Variants in CDKAL1 observed in about 807,000 individuals in gnomAD.
CDKAL1 encodes threonylcarbamoyladenosine tRNA methylthiotransferase.
A neutral mutation model predicts 68.2 loss-of-function variants in CDKAL1; 32 were observed. The observed-to-expected ratio is 0.47, with a 90% CI of 0.35 to 0.63. CDKAL1 has a LOEUF of 0.63. CDKAL1 is among the 30% of genes least tolerant of loss of function. The pLI is 0.00. For missense variants in CDKAL1, 606 were observed against 696.7 expected (o/e 0.87, Z 1.47); for synonymous variants, 234 against 244.3 (o/e 0.96, Z 0.39).
intron 5 of CDKAL1, among the ~76,000 whole-genome samples, chr6:20,684,721 T>A (rs76547593): frequency 3.9e-5 from 6 of 152,072 alleles, no homozygotes; most frequent in African/African-American, 1.5e-4. Context: ...TGTAAGAGGT[T>A]CGTAGTGGTA....
At chr6:20,612,021 G>C (rs1332482773) in intron 4 of CDKAL1, among the ~76,000 whole-genome samples, 2 of 152,060 alleles carry the variant, frequency 1.3e-5, no homozygotes, top group Non-Finnish European at 2.9e-5. Flanking sequence ...TCTTTGCCTG[G>C]TTTATTTCAC....
intron 10 of CDKAL1, among the ~76,000 whole-genome samples, chr6:20,992,307 G>A (rs1766872369): frequency 6.6e-6 from 1 of 151,574 alleles, no homozygotes; most frequent in Non-Finnish European, 1.5e-5. Flanking sequence ...CTGACCTCAA[G>A]TGATGTGCCT....
chr6:20,579,757 C>T (rs1765066322), intron 4 of CDKAL1, among the ~76,000 whole-genome samples: 2 of 152,162 alleles, frequency 1.3e-5, no homozygotes, highest in South Asian at 2.1e-4. Flanking sequence ...GCTCCTCATT[C>T]GTCCTTGATC....
intron 9 of CDKAL1, among the ~76,000 whole-genome samples, chr6:20,929,183 A>G (rs1763315613): frequency 2.0e-5 from 3 of 152,200 alleles, no homozygotes; most frequent in Non-Finnish European, 4.4e-5. Context: ...TCCCCACTCG[A>G]AGGTCCAAGC....
At chr6:20,608,094 A>G (rs916899525) in intron 4 of CDKAL1, among the ~76,000 whole-genome samples, 3 of 152,218 alleles carry the variant, frequency 2.0e-5, no homozygotes, top group Non-Finnish European at 4.4e-5. Context: ...AGTAAACTCT[A>G]AAGTTATCAC....
At position 20,583,621 on chromosome 6, in the gene CDKAL1, A is replaced by AT. The variant is rs879765350; in HGVS notation, c.286+34927dup. On this transcript the variant is annotated intron_variant, in intron 4 of 15. Transcript: ENST00000274695. Reference sequence around the variant, plus strand: ...AACACTTGAATGCTGTGAGAGAACTATTTTTTTTTTTAATGGATGGCAGGT... The same window carrying AT: ...AACACTTGAATGCTGTGAGAGAACTATTTTTTTTTTTTAATGGATGGCAGGT... Among the ~76,000 whole-genome samples, 580 of 147,292 alleles carry AT rather than the reference A, an allele frequency of 3.9e-3. 7 individuals are homozygous for AT. Among genetic ancestry groups the AT allele is most frequent in the East Asian group, 9.8e-3 (50 of 5,084 alleles).
At chr6:20,937,823 T>C (rs1763791914) in intron 9 of CDKAL1, among the ~76,000 whole-genome samples, 1 of 151,566 alleles carries the variant, frequency 6.6e-6, no homozygotes, top group Admixed American at 6.6e-5. Context: ...TTTTATTACA[T>C]AGTTAAGGTG....
intron 13 of CDKAL1, among the ~76,000 whole-genome samples, chr6:21,164,286 A>G (rs1777048647): frequency 6.6e-6 from 1 of 152,012 alleles, no homozygotes; most frequent in African/African-American, 2.4e-5. Context: ...CCTTATAAAC[A>G]AGCTGGGTTT....
chr6:20,789,613 G>A (rs528473214), intron 8 of CDKAL1, among the ~76,000 whole-genome samples: 1 of 152,082 alleles, frequency 6.6e-6, no homozygotes, highest in Admixed American at 6.5e-5. Context: ...GGATTCTATT[G>A]CCCTTTCTAA....
chr6:20,829,513 T>C (rs1354280885), intron 8 of CDKAL1, among the ~76,000 whole-genome samples: 2 of 152,202 alleles, frequency 1.3e-5, no homozygotes, highest in Non-Finnish European at 2.9e-5. Flanking sequence ...GAAAACTTTC[T>C]TGGGTAGATG....
At chr6:20,713,381 T>C (rs1464188419) in intron 5 of CDKAL1, among the ~76,000 whole-genome samples, 1 of 152,212 alleles carries the variant, frequency 6.6e-6, no homozygotes, top group Non-Finnish European at 1.5e-5. Flanking sequence ...CGTATCTTAA[T>C]TATTTAAAAA....
At chr6:21,162,471 C>T (rs891891847) in intron 13 of CDKAL1, among the ~76,000 whole-genome samples, 1 of 152,202 alleles carries the variant, frequency 6.6e-6, no homozygotes, top group Non-Finnish European at 1.5e-5. Flanking sequence ...CATGGTTTTG[C>T]CCAGAACCAG....
At chr6:20,981,105 G>A (rs1766119896) in intron 10 of CDKAL1, among the ~76,000 whole-genome samples, 1 of 152,172 alleles carries the variant, frequency 6.6e-6, no homozygotes, top group Non-Finnish European at 1.5e-5. Flanking sequence ...GGGTAACTGA[G>A]CAGGAGGAGG....
chr6:20,876,002 C>T (rs992989200), intron 9 of CDKAL1, among the ~76,000 whole-genome samples: 5 of 151,948 alleles, frequency 3.3e-5, no homozygotes, highest in South Asian at 2.1e-4. Flanking sequence ...AAGCACAGAC[C>T]GAATTGAAAA....
At chr6:20,733,824 T>G (rs763945195) in intron 5 of CDKAL1, among the ~76,000 whole-genome samples, 1 of 152,156 alleles carries the variant, frequency 6.6e-6, no homozygotes, top group Non-Finnish European at 1.5e-5. Flanking sequence ...TTTGTCATCT[T>G]TAAGTATTTT....
intron 15 of CDKAL1, among the ~76,000 whole-genome samples, chr6:21,214,912 T>TGAA (rs1779289525): frequency 6.6e-6 from 1 of 151,926 alleles, no homozygotes; most frequent in Non-Finnish European, 1.5e-5. Context: ...AATGAATGAA[T>TGAA]TTGTTCCGGA....
intron 9 of CDKAL1, among the ~76,000 whole-genome samples, chr6:20,894,977 A>G (rs1384301830): frequency 6.6e-6 from 1 of 152,142 alleles, no homozygotes; most frequent in Non-Finnish European, 1.5e-5. Flanking sequence ...TGTTACAGAT[A>G]AAGTTGAAGT....
chr6:20,971,313 T>C (rs906684630), intron 10 of CDKAL1, among the ~76,000 whole-genome samples: 3 of 152,272 alleles, frequency 2.0e-5, no homozygotes, highest in Non-Finnish European at 4.4e-5. Context: ...TGATAGATGA[T>C]GTCCCCTTCA....
intron 8 of CDKAL1, among the ~76,000 whole-genome samples, chr6:20,808,504 G>A (rs541387533): frequency 3.3e-5 from 5 of 152,212 alleles, no homozygotes; most frequent in Non-Finnish European, 5.9e-5. Flanking sequence ...GAGAGATGAC[G>A]CCCACAGTTC....
Sources: allele counts gnomAD v4.1 joint callset (sites outside exome capture counted in the v4.1 genomes callset), GRCh38; gene constraint gnomAD v4.1.1; transcripts MANE v1.5; gene names NCBI Gene and HGNC (gene_info 2026-07-23, HGNC 2026-07-21).